The following PSIP1 variants were observed in gnomAD, a reference collection of about 807,000 sequenced individuals.
PSIP1 encodes the protein PC4 and SFRS1-interacting protein.
PSIP1 carries 19 observed loss-of-function variants against 74.7 expected under a neutral mutation model. That is an observed-to-expected ratio of 0.25 (90% CI 0.18 to 0.37). The LOEUF is 0.37. Among genes scored for constraint, PSIP1 ranks in the 10% least tolerant of loss-of-function variants. The probability of loss-of-function intolerance (pLI) is 1.00; values close to 1 mark genes in which losing one functional copy is unlikely to be tolerated. For missense variants in PSIP1, 601 were observed against 614.3 expected (o/e 0.98, Z 0.23); for synonymous variants, 222 against 195.3 (o/e 1.14, Z -1.14).
At chr9:15,467,827 G>T (rs1215597271) in intron 14 of PSIP1, among the ~76,000 whole-genome samples, 1 of 152,132 alleles carries the variant, frequency 6.6e-6, no homozygotes, top group African/African-American at 2.4e-5. Context: ...TAAGTGCTTT[G>T]TAAGACTTTA....
intron 3 of PSIP1, among the ~76,000 whole-genome samples, chr9:15,492,798 A>G (rs755183949): frequency 6.6e-6 from 1 of 152,190 alleles, no homozygotes; most frequent in Non-Finnish European, 1.5e-5. Context: ...CCGCAGACCC[A>G]ACACCATGTG....
In PSIP1 at chr9:15,468,421, G is replaced by C. The variant is rs752208928; in HGVS notation, c.1420+209C>G. ...CTCATGAGCAATGGTTTCTGCCTTA[G>C]AAGTCGAATATAAACTGACATGATT... On this transcript the variant is annotated intron_variant, in intron 14 of 15. Transcript: ENST00000380733. 2.2e-5 allele frequency: 17 copies of C among 755,924 alleles called. 1 individual carries two copies. The highest frequency in any genetic ancestry group is 1.4e-4 in the South Asian group (10 of 73,822). 46.8% of individuals were successfully genotyped at this position (755,924 alleles called of 1,614,324 possible).
At chr9:15,487,135 G>A (rs944400801) in intron 4 of PSIP1, among the ~76,000 whole-genome samples, 36 of 150,902 alleles carry the variant, frequency 2.4e-4, no homozygotes, top group African/African-American at 7.3e-4. Context: ...AGGAGGTCGA[G>A]GCTGTAGTGA....
intron 10 of PSIP1, among the ~76,000 whole-genome samples, chr9:15,470,350 A>G (rs1321605847): frequency 6.6e-6 from 1 of 152,104 alleles, no homozygotes; most frequent in East Asian, 1.9e-4. Context: ...AAAATAGACC[A>G]ATTTAATCAT....
At chr9:15,472,105 A>G in intron 10 of PSIP1, 1 of 983,686 alleles carries the variant, frequency 1.0e-6, no homozygotes, top group Non-Finnish European at 1.2e-6. Flanking sequence ...AAAATTTAAG[A>G]GAAAACAGCT....
At chr9:15,491,031 G>A (rs2036806734) in intron 3 of PSIP1, among the ~76,000 whole-genome samples, 1 of 152,098 alleles carries the variant, frequency 6.6e-6, no homozygotes, top group South Asian at 2.1e-4. Flanking sequence ...GAAATACAGG[G>A]TTAGGTTCCT....
chr9:15,504,787 T>C (rs1357845530), intron 3 of PSIP1, among the ~76,000 whole-genome samples: 1 of 151,526 alleles, frequency 6.6e-6, no homozygotes, highest in African/African-American at 2.4e-5. Flanking sequence ...AAATCAGAAT[T>C]AAAGACTTTT....
rs188652187 is a variant in PSIP1, at chr9:15,491,592, G to T, written c.150-1468C>A. Among the ~76,000 whole-genome samples, 62 of 152,284 alleles carry T rather than the reference G, an allele frequency of 4.1e-4. 1 individual carries two copies. The highest frequency in any genetic ancestry group is 3.8e-3 in the Admixed American group (58 of 15,288). On this transcript the variant is annotated intron_variant, in intron 3 of 15. Coordinates refer to ENST00000380733, the MANE Select transcript of PSIP1 (RefSeq NM_033222.5). ...CAGATAGTTCTTAATTTACTAGGAG[G>T]TTATGTCCCAATAAGTCCACTGTAA...
intron 10 of PSIP1, chr9:15,472,182 C>G (rs921563359): frequency 2.0e-6 from 2 of 986,442 alleles, no homozygotes; most frequent in African/African-American, 1.7e-5. Context: ...TTTACTTTTA[C>G]TGGCTTCCTG....
At chr9:15,484,790 G>C (rs2132111640) in intron 6 of PSIP1, among the ~76,000 whole-genome samples, 1 of 151,694 alleles carries the variant, frequency 6.6e-6, no homozygotes, top group Admixed American at 6.6e-5. Context: ...GTGCATGCCT[G>C]TAATCCCAGC....
Position 15,473,998 on chromosome 9 carries a change from A to G in PSIP1, c.858+11T>C, listed in dbSNP as rs772821600. ...AATAGAACAGCCATTTTATATATGT[A>G]AACTTTATACCTTTTCACCTTCTTG... On this transcript the variant is annotated intron_variant, in intron 9 of 15. Transcript: ENST00000380733. 3.1e-6 allele frequency: 5 copies of G among 1,592,636 alleles called. No individual in the cohort carries two copies. Among genetic ancestry groups the G allele is most frequent in the Middle Eastern group, 1.7e-4 (1 of 5,898 alleles).
At chr9:15,501,866 T>TATATATATATATATAA (rs1491160431) in intron 3 of PSIP1, among the ~76,000 whole-genome samples, 44 of 135,660 alleles carry the variant, frequency 3.2e-4, no homozygotes, top group East Asian at 2.3e-3. Flanking sequence ...TATATATATA[T>TATATATATATATATAA]AAAACGCACA....
rs765347270 is a variant in PSIP1, at chr9:15,466,756, C to T, written c.1524G>A (p.Thr508=). Reference sequence around the variant, plus strand: ...TAAAACCTATTCCTCACTTTTTCTTCGTGCTGGCTTCATGGTTGTCTTTGC... The same window carrying T: ...TAAAACCTATTCCTCACTTTTTCTTTGTGCTGGCTTCATGGTTGTCTTTGC... ...EDSKDNHEAS[T]KKKPSSEERE... The change falls in exon 15 of 16, where the codon ACG becomes ACA. Residue 508 remains threonine (T), a synonymous_variant. Coordinates refer to ENST00000380733, the MANE Select transcript of PSIP1 (RefSeq NM_033222.5). The T allele has an allele frequency of 5.6e-6, 9 of 1,605,600 alleles. No homozygotes were observed. The highest frequency in any genetic ancestry group is 2.2e-5 in the South Asian group (2 of 89,016).
chr9:15,469,644 A>C (rs572264748), intron 11 of PSIP1, among the ~76,000 whole-genome samples: 1 of 152,206 alleles, frequency 6.6e-6, no homozygotes, highest in South Asian at 2.1e-4. Flanking sequence ...GCTTTTCCTT[A>C]TGTTTAACCA....
intron 3 of PSIP1, among the ~76,000 whole-genome samples, chr9:15,490,622 G>A (rs1055341584): frequency 1.7e-4 from 25 of 145,604 alleles, no homozygotes; most frequent in Non-Finnish European, 3.6e-4. Context: ...GGCGGAGGTT[G>A]CAGTGAGCTG....
At position 15,464,883 on chromosome 9, in the gene PSIP1, T is replaced by G. The variant is rs936157319; in HGVS notation, c.*637A>C. 11 of 212,190 alleles carry G rather than the reference T, an allele frequency of 5.2e-5. No homozygotes were observed. The highest frequency in any genetic ancestry group is 8.6e-5 in the Non-Finnish European group (9 of 104,670). The allele number at this position is 212,190 out of a possible 1,614,324, so 13.1% of individuals were successfully genotyped here. On this transcript the variant is annotated 3_prime_UTR_variant, in exon 16 of 16. Transcript: ENST00000380733. ...CTTCAAAAATTAATGTTTTATAGTT[T>G]GTAGAATTCTCAGTTCCATGTCAGT...
In PSIP1 at chr9:15,474,337, CAA is replaced by C. The variant is rs1392751466; in HGVS notation, c.630-102_630-101del. ...TTTTAATTTAAAGGCAAATCTAAAA[CAA>C]AGTAAAAAGAGTGTCTTCACTATCC... On this transcript the variant is annotated intron_variant, in intron 8 of 15. Coordinates refer to ENST00000380733, the MANE Select transcript of PSIP1 (RefSeq NM_033222.5). 2.2e-5 allele frequency: 23 copies of C among 1,054,228 alleles called. No homozygotes were observed. The Middle Eastern group carries it at 8.6e-4, about 39-fold the overall frequency. 65.3% of individuals were successfully genotyped at this position (1,054,228 alleles called of 1,614,324 possible).
chr9:15,485,882 T>G (rs2036538207), intron 6 of PSIP1, 124 bp downstream of exon 6: 1 of 815,720 alleles, frequency 1.2e-6, no homozygotes, highest in African/African-American at 1.8e-5. Flanking sequence ...ACATAACCCA[T>G]AAAAAATTAA....
intron 14 of PSIP1, 137 bp downstream of exon 14, chr9:15,468,493 G>A (rs901498187): frequency 1.7e-5 from 16 of 968,160 alleles, no homozygotes; most frequent in African/African-American, 1.3e-4. Flanking sequence ...AGGCCCATCA[G>A]ATTTTCACCA....
Sources: allele counts gnomAD v4.1 joint callset (sites outside exome capture counted in the v4.1 genomes callset), GRCh38; gene constraint gnomAD v4.1.1; transcripts MANE v1.5; gene names NCBI Gene and HGNC (gene_info 2026-07-23, HGNC 2026-07-21).